The following ROR2 variants were observed in gnomAD, a reference collection of about 807,000 sequenced individuals.
The protein encoded by ROR2 is ROR family WNT receptor 2.
In ROR2, 33 loss-of-function variants were observed where a neutral mutation model predicts 74.9. The ratio of observed to expected loss-of-function variants is 0.44; its 90% CI spans 0.33 to 0.59. ROR2 has a LOEUF of 0.59. ROR2 is among the 20% of genes least tolerant of loss of function. The probability of loss-of-function intolerance (pLI) is 0.02; values close to 1 mark genes in which losing one functional copy is unlikely to be tolerated. For missense variants in ROR2, 1,216 were observed against 1,313.8 expected (o/e 0.93, Z 1.15); for synonymous variants, 586 against 558.7 (o/e 1.05, Z -0.69).
intron 1 of ROR2, among the ~76,000 whole-genome samples, chr9:91,944,488 A>G (rs1050952904): frequency 6.6e-6 from 1 of 152,252 alleles, no homozygotes; most frequent in Non-Finnish European, 1.5e-5. Context: ...CAAAAATGCT[A>G]TTTGAGCTAA....
At chr9:91,921,126 C>G (rs79581461) in intron 1 of ROR2, among the ~76,000 whole-genome samples, 21,253 of 152,128 alleles carry the variant, frequency 0.14, 2,172 homozygotes, top group East Asian at 0.28. Context: ...CAAGAAGTAG[C>G]GGACAGGAGA....
chr9:91,746,683 A>G (rs1274896038), intron 4 of ROR2, among the ~76,000 whole-genome samples: 1 of 152,176 alleles, frequency 6.6e-6, no homozygotes, highest in Non-Finnish European at 1.5e-5. Context: ...CTTGAAAACA[A>G]GGAGTCCCGG....
intron 1 of ROR2, among the ~76,000 whole-genome samples, chr9:91,899,638 T>C (rs1309425695): frequency 6.6e-6 from 1 of 152,022 alleles, no homozygotes; most frequent in Non-Finnish European, 1.5e-5. Flanking sequence ...AGGAGAAAGA[T>C]GGGGAGGAGG....
In ROR2 at chr9:91,938,284, C is replaced by T. The variant is rs1831754138; in HGVS notation, c.97+11583G>A. 2.6e-5 allele frequency among the ~76,000 whole-genome samples: 4 copies of T among 152,090 alleles called. No individual in the cohort carries two copies. In the South Asian group the frequency reaches 8.3e-4, roughly 31 times the overall value. On this transcript the variant is annotated intron_variant, in intron 1 of 8. Transcript: ENST00000375708. ...GACCAGTCTGAACAACATAGTGAGA[C>T]TCTTTCTCTTACAAAAATTTTTTTT... is the stretch of plus-strand genomic sequence containing the variant.
chr9:91,909,852 T>TTTTG (rs1830922951), intron 1 of ROR2, among the ~76,000 whole-genome samples: 2 of 111,528 alleles, frequency 1.8e-5, no homozygotes, highest in Non-Finnish European at 3.5e-5. Flanking sequence ...GTTTTGTTTT[T>TTTTG]TTTTTTTTTT....
chr9:91,856,130 G>A (rs1048313238), intron 1 of ROR2, among the ~76,000 whole-genome samples: 3 of 152,228 alleles, frequency 2.0e-5, no homozygotes, highest in African/African-American at 7.2e-5. Context: ...TCAGGAGGCT[G>A]AGGTGGGCTT....
chr9:91,912,628 T>C (rs933733363), intron 1 of ROR2, among the ~76,000 whole-genome samples: 4 of 152,302 alleles, frequency 2.6e-5, no homozygotes, highest in Admixed American at 1.3e-4. Flanking sequence ...TTTAAAAGAA[T>C]GTGAAGCTTA....
intron 1 of ROR2, among the ~76,000 whole-genome samples, chr9:91,816,960 C>T (rs1215146430): frequency 6.6e-6 from 1 of 152,198 alleles, no homozygotes; most frequent in Non-Finnish European, 1.5e-5. Flanking sequence ...TGTGACAAAG[C>T]ATTTGAAGAG....
chr9:91,873,157 C>A (rs1453836420), intron 1 of ROR2, among the ~76,000 whole-genome samples: 3 of 151,484 alleles, frequency 2.0e-5, no homozygotes, highest in Non-Finnish European at 2.9e-5. Context: ...TGGTTTTCAC[C>A]CTCCCCTGTC....
At chr9:91,816,155 T>C (rs1385236347) in intron 1 of ROR2, among the ~76,000 whole-genome samples, 3 of 152,144 alleles carry the variant, frequency 2.0e-5, no homozygotes, top group Non-Finnish European at 4.4e-5. Flanking sequence ...CAGTGTCCCC[T>C]GTCTTTCTCC....
intron 1 of ROR2, among the ~76,000 whole-genome samples, chr9:91,792,305 A>ATTTT (rs1166828840): frequency 2.3e-5 from 3 of 129,812 alleles, no homozygotes; most frequent in Non-Finnish European, 4.8e-5. Context: ...AGTTGGTTCT[A>ATTTT]TTTTTTTTTT....
At chr9:91,852,665 T>C (rs1829142638) in intron 1 of ROR2, among the ~76,000 whole-genome samples, 1 of 96,680 alleles carries the variant, frequency 1.0e-5, no homozygotes, top group Admixed American at 1.2e-4. Flanking sequence ...ACACACAATG[T>C]AAGTCCATAA....
chr9:91,762,426 C>CTCCCATAT (rs1382308603), intron 2 of ROR2, among the ~76,000 whole-genome samples: 2 of 152,196 alleles, frequency 1.3e-5, no homozygotes, highest in African/African-American at 4.8e-5. Context: ...AAATTCATAT[C>CTCCCATAT]TCCCATATCT....
At chr9:91,822,920 C>T (rs939392405) in intron 1 of ROR2, among the ~76,000 whole-genome samples, 4 of 152,078 alleles carry the variant, frequency 2.6e-5, no homozygotes, top group African/African-American at 9.7e-5. Flanking sequence ...AACACAAGGG[C>T]AGAGAAAGAC....
chr9:91,889,357 A>T (rs1047905771), intron 1 of ROR2, among the ~76,000 whole-genome samples: 22 of 152,240 alleles, frequency 1.4e-4, no homozygotes, highest in African/African-American at 5.3e-4. Flanking sequence ...ACACACTGTG[A>T]AGGTGCCTGT....
intron 1 of ROR2, among the ~76,000 whole-genome samples, chr9:91,822,540 G>A (rs780244197): frequency 1.4e-4 from 21 of 152,182 alleles, no homozygotes; most frequent in Non-Finnish European, 2.5e-4. Context: ...CAAAAGCAGA[G>A]GAGGCTTTTC....
At chr9:91,794,459 C>T (rs1827105228) in intron 1 of ROR2, among the ~76,000 whole-genome samples, 1 of 152,198 alleles carries the variant, frequency 6.6e-6, no homozygotes, top group Admixed American at 6.5e-5. Flanking sequence ...TTCCTGGACA[C>T]ACACAGCTTG....
At chr9:91,832,266 G>A (rs150894861) in intron 1 of ROR2, among the ~76,000 whole-genome samples, 1 of 146,128 alleles carries the variant, frequency 6.8e-6, no homozygotes, top group East Asian at 2.0e-4. Flanking sequence ...AGTGACTAGC[G>A]ACAGAAGAAA....
chr9:91,761,462 G>C (rs1278698068), intron 2 of ROR2, among the ~76,000 whole-genome samples: 1 of 152,146 alleles, frequency 6.6e-6, no homozygotes, highest in Non-Finnish European at 1.5e-5. Flanking sequence ...TCAGGCATTA[G>C]ACTCTCATAA....
Sources: allele counts gnomAD v4.1 joint callset (sites outside exome capture counted in the v4.1 genomes callset), GRCh38; gene constraint gnomAD v4.1.1; transcripts MANE v1.5; gene names NCBI Gene and HGNC (gene_info 2026-07-23, HGNC 2026-07-21).